The following HIF1A variants were observed in gnomAD, a reference collection of about 807,000 sequenced individuals.
The protein encoded by HIF1A is hypoxia inducible factor 1 subunit alpha, also known as hypoxia-inducible factor 1-alpha.
Under a neutral mutation model 92.7 loss-of-function variants are expected in HIF1A, and 24 were observed. The ratio of observed to expected loss-of-function variants is 0.26; its 90% CI spans 0.19 to 0.36. The LOEUF (loss-of-function observed/expected upper bound fraction) is 0.36. Among genes scored for constraint, HIF1A ranks in the 10% least tolerant of loss-of-function variants. HIF1A has a pLI of 1.00. For missense variants in HIF1A, 799 were observed against 998.5 expected, an observed-to-expected ratio of 0.80 and a Z score of 2.69; for synonymous variants, 319 against 338.7, an observed-to-expected ratio of 0.94 and a Z score of 0.64.
In HIF1A at chr14:61,695,938, G is replaced by C. The variant is rs577702143; in HGVS notation, c.35+99G>C. 9.3e-5 allele frequency: 105 copies of C among 1,129,066 alleles called. No individual in the cohort carries two copies. In the East Asian group the frequency reaches 1.8e-3, roughly 19 times the overall value. 69.9% of individuals were successfully genotyped at this position (1,129,066 alleles called of 1,614,324 possible). A position where few individuals can be genotyped will look rare whatever the true frequency, so the allele number is the denominator to read the frequency against. On this transcript the variant is annotated intron_variant, in intron 1 of 14. Coordinates refer to ENST00000337138, the MANE Select transcript of HIF1A (RefSeq NM_001530.4). The stretch of plus-strand genomic sequence containing the variant: ...CCGGCCTCGGCGTTAATGGGATTGG[G>C]GGGGGCAGCCTTTTTGTTTCTGCTG...
chr14:61,730,467 C>T (rs1040847995), intron 6 of HIF1A, among the ~76,000 whole-genome samples: 4 of 152,196 alleles, frequency 2.6e-5, no homozygotes, highest in African/African-American at 9.7e-5. Flanking sequence ...CCTACTTCTT[C>T]AGCATCATCT....
At position 61,727,561 on chromosome 14, in the gene HIF1A, A is replaced by C; in HGVS notation, c.679A>C (p.Ile227Leu). 6.2e-7 allele frequency: 1 copy of C among 1,613,804 alleles called. No homozygotes were observed. The highest frequency in any genetic ancestry group is 2.2e-5 in the East Asian group (1 of 44,872). ...MTCLVLICEP[I>L]PHPSNIEIPL... ...CTGCTTGGTGCTGATTTGTGAACCC[A>C]TTCCTCACCCATCAAATATTGAAAT... is the stretch of plus-strand genomic sequence containing the variant. The change falls in exon 6 of 15, where the codon ATT becomes CTT. Residue 227 changes from isoleucine (I) to leucine (L), a missense_variant. Physicochemically the swap from Ile to Leu is conservative, Grantham distance 5 (BLOSUM62 2). Around this residue, in one of 2 missense-constraint regions of HIF1A, gnomAD observed 516 missense variants for 721.0 expected, o/e 0.72. Coordinates refer to ENST00000337138, the MANE Select transcript of HIF1A (RefSeq NM_001530.4).
chr14:61,729,486 A>AAAAAAAAAAAAAAAC (rs1566571569), intron 6 of HIF1A, among the ~76,000 whole-genome samples: 1 of 147,844 alleles, frequency 6.8e-6, no homozygotes, highest in Non-Finnish European at 1.5e-5. Context: ...AAACAAAAAA[A>AAAAAAAAAAAAAAAC]AGACCTCAGA....
chr14:61,697,303 C>G (rs1011314235), intron 1 of HIF1A, among the ~76,000 whole-genome samples: 1 of 152,110 alleles, frequency 6.6e-6, no homozygotes, highest in Admixed American at 6.5e-5. Flanking sequence ...GAATTAATTG[C>G]AGTTTATTTT....
chr14:61,713,369 A>G (rs1167729603), intron 1 of HIF1A, among the ~76,000 whole-genome samples: 4 of 152,210 alleles, frequency 2.6e-5, no homozygotes, highest in Admixed American at 2.0e-4. Flanking sequence ...TATCATATGC[A>G]TCTTGGAAGT....
At chr14:61,728,629 C>T (rs1039948122) in intron 6 of HIF1A, among the ~76,000 whole-genome samples, 10 of 152,180 alleles carry the variant, frequency 6.6e-5, no homozygotes, top group African/African-American at 2.4e-4. Context: ...TGGCTACATA[C>T]AGTTGGTGTC....
In HIF1A at chr14:61,741,121, G is replaced by T; in HGVS notation, c.2026G>T (p.Val676Phe). ...CTCACCAAACAGAGCAGGAAAAGGA[G>T]TCATAGAACAGACAGAAAAATCTCA... ...TASPNRAGKG[V>F]IEQTEKSHPR... The change falls in exon 12 of 15, where the codon GTC (valine) becomes TTC (phenylalanine). Residue 676 changes from valine to phenylalanine, a missense_variant. Physicochemically the swap from Val to Phe is conservative, Grantham distance 50 (BLOSUM62 -1). Coordinates refer to ENST00000337138, the MANE Select transcript of HIF1A (RefSeq NM_001530.4). 6.2e-7 allele frequency: 1 copy of T among 1,613,564 alleles called. No homozygotes were observed. Among genetic ancestry groups the T allele is most frequent in the Non-Finnish European group, 8.5e-7 (1 of 1,179,878 alleles).
In HIF1A at chr14:61,696,775, T is replaced by C. The variant is rs1339495456; in HGVS notation, c.35+936T>C. ...CGGCACTAAAATGTTGCAAAAATTT[T>C]CGAACTCTGTCTCATTTTCCTGAAA... On this transcript the variant is annotated intron_variant, in intron 1 of 14. Transcript: ENST00000337138. 2.0e-5 allele frequency among the ~76,000 whole-genome samples: 3 copies of C among 152,218 alleles called. No homozygotes were observed. The East Asian group carries it at 5.8e-4, about 29-fold the overall frequency.
intron 1 of HIF1A, among the ~76,000 whole-genome samples, chr14:61,708,464 T>G (rs2044268708): frequency 6.6e-6 from 1 of 152,234 alleles, no homozygotes; most frequent in Admixed American, 6.5e-5. Context: ...TTAATCCATC[T>G]TGAATTAATT....
intron 1 of HIF1A, among the ~76,000 whole-genome samples, chr14:61,719,953 C>G (rs937806186): frequency 6.6e-6 from 1 of 152,166 alleles, no homozygotes; most frequent in South Asian, 2.1e-4. Flanking sequence ...CTAACAACTC[C>G]TGTTTTCAAG....
At chr14:61,709,840 G>A (rs2044286257) in intron 1 of HIF1A, among the ~76,000 whole-genome samples, 2 of 152,264 alleles carry the variant, frequency 1.3e-5, no homozygotes, top group Non-Finnish European at 2.9e-5. Flanking sequence ...CAGTAGGAAA[G>A]AAATATGATA....
chr14:61,730,320 TAC>T lies in HIF1A; in HGVS notation c.774-2096_774-2095del, dbSNP rs1291125686. Among the ~76,000 whole-genome samples the T allele has an allele frequency of 2.0e-5, 3 of 152,308 alleles. No homozygotes were observed. The East Asian group carries it at 5.8e-4, about 29-fold the overall frequency. On this transcript the variant is annotated intron_variant, in intron 6 of 14. Transcript: ENST00000337138. The stretch of plus-strand genomic sequence containing the variant: ...AAAACTGACCTTCTAGGAAAGCATA[TAC>T]AGTTTATATTTTTGACTTCTTGGTA...
At chr14:61,709,197 C>T (rs143123685) in intron 1 of HIF1A, among the ~76,000 whole-genome samples, 1,635 of 152,244 alleles carry the variant, frequency 0.011, 25 homozygotes, top group Admixed American at 0.016. Context: ...GCACCTGGCA[C>T]AATACCTTAT....
Position 61,705,912 on chromosome 14 carries a change from T to G in HIF1A, c.35+10073T>G, listed in dbSNP as rs142698672. ...AGAGCTAAATATTTAATAGAAGAAG[T>G]CTTTAGGGTATGCTTTCTATTGTAC... On this transcript the variant is annotated intron_variant, in intron 1 of 14. Transcript: ENST00000337138. Among the ~76,000 whole-genome samples the G allele has an allele frequency of 7.3e-3, 1,106 of 152,270 alleles. 19 individuals carry two copies. Among genetic ancestry groups the G allele is most frequent in the African/African-American group, 0.025 (1,036 of 41,566 alleles).
At chr14:61,725,369 A>G (rs2044491242) in intron 4 of HIF1A, among the ~76,000 whole-genome samples, 1 of 152,176 alleles carries the variant, frequency 6.6e-6, no homozygotes, top group African/African-American at 2.4e-5. Flanking sequence ...GTTCTGAAGC[A>G]CACTGACCAA....
intron 12 of HIF1A, among the ~76,000 whole-genome samples, chr14:61,743,722 G>T (rs1015479959): frequency 1.3e-5 from 2 of 152,152 alleles, no homozygotes; most frequent in African/African-American, 4.8e-5. Flanking sequence ...TCAAAATAAT[G>T]TAACAAAGCT....
Position 61,736,869 on chromosome 14 carries a change from A to C in HIF1A, c.1029-20A>C. 6.4e-7 allele frequency: 1 copy of C among 1,554,414 alleles called. No individual in the cohort carries two copies. Among genetic ancestry groups the C allele is most frequent in the Non-Finnish European group, 8.9e-7 (1 of 1,126,724 alleles). ...ATCAAGTGCTCATTTGTGAATTACC[A>C]ATTTCTCTTGTTTTGACAGTGGTAT... is the stretch of plus-strand genomic sequence containing the variant. On this transcript the variant is annotated intron_variant, in intron 8 of 14. Coordinates refer to ENST00000337138, the MANE Select transcript of HIF1A (RefSeq NM_001530.4).
intron 1 of HIF1A, among the ~76,000 whole-genome samples, chr14:61,702,439 CAA>C (rs149442775): frequency 4.8e-4 from 38 of 78,760 alleles, no homozygotes; most frequent in Middle Eastern, 0.01. Flanking sequence ...ATGCTGTCTC[CAA>C]AAAAAAAAAA....
rs66788261 is a variant in HIF1A, at chr14:61,742,907, A to G, written c.2093+1719A>G. Among the ~76,000 whole-genome samples the G allele has an allele frequency of 3.8e-3, 406 of 105,930 alleles. 99 individuals are homozygous for G. Among genetic ancestry groups the G allele is most frequent in the Admixed American group, 9.2e-3 (68 of 7,410 alleles). 69.5% of individuals were successfully genotyped at this position (105,930 alleles called of 152,430 possible). A position where few individuals can be genotyped will look rare whatever the true frequency, so the allele number is the denominator to read the frequency against. On this transcript the variant is annotated intron_variant, in intron 12 of 14. Coordinates refer to ENST00000337138, the MANE Select transcript of HIF1A (RefSeq NM_001530.4). ...TTTCAAAAAAAAAAAAAAAAAAAAA[A>G]GTTGTTGGACTGACAGATGCATGAA...
Sources: allele counts gnomAD v4.1 joint callset (sites outside exome capture counted in the v4.1 genomes callset), GRCh38; gene constraint gnomAD v4.1.1; regional missense constraint gnomAD v4.1.1; transcripts MANE v1.5; gene names NCBI Gene and HGNC (gene_info 2026-07-23, HGNC 2026-07-21).